BBS7: variants seen among roughly 807,000 people sequenced by gnomAD.
BBS7 encodes BBSome complex member BBS7.
BBS7 carries 50 observed loss-of-function variants against 90.3 expected under a neutral mutation model. The observed-to-expected ratio is 0.55, with a 90% confidence interval of 0.44 to 0.70. BBS7 has a LOEUF of 0.70. Ranked by LOEUF, BBS7 falls within the 30% of genes least tolerant of loss-of-function variation. The pLI is 0.00. For synonymous variants in BBS7, 235 were observed against 287.4 expected (o/e 0.82, Z 1.85); for missense variants, 729 against 838.9 (o/e 0.87, Z 1.62).
chr4:121,845,520 T>A lies in BBS7; in HGVS notation c.1214A>T (p.Asp405Val). Residue 405 changes from aspartate (D) to valine (V), a missense_variant, in exon 11 of 19, where the codon GAT becomes GTT. Transcript: ENST00000264499. ...SLILEVQTAI[D>V]NVLIQSDVPI... is the part of the protein sequence containing the mutation. Reference sequence around the variant, plus strand: ...TTTGCTTACCTGTATTAAGACATTATCTATTGCAGTCTGTACCTCTAAGAT... The same window carrying A: ...TTTGCTTACCTGTATTAAGACATTAACTATTGCAGTCTGTACCTCTAAGAT... 6.2e-7 allele frequency: 1 copy of A among 1,611,838 alleles called. No individual in the cohort carries two copies. The highest frequency in any genetic ancestry group is 8.5e-7 in the Non-Finnish European group (1 of 1,179,034).
At chr4:121,870,248 C>T (rs925516727) in intron 1 of BBS7, 30 bp downstream of exon 1, 3 of 1,613,360 alleles carry the variant, frequency 1.9e-6, no homozygotes, top group African/African-American at 2.7e-5. Flanking sequence ...GCTTGCCCAG[C>T]GCGGCGCCCG....
intron 10 of BBS7, among the ~76,000 whole-genome samples, chr4:121,845,942 T>C (rs1163614644): frequency 6.6e-6 from 1 of 152,162 alleles, no homozygotes; most frequent in Non-Finnish European, 1.5e-5. Context: ...AATAGAGAGT[T>C]TTAAATATCA....
intron 7 of BBS7, 48 bp downstream of exon 7, chr4:121,854,656 C>T (rs781185072): frequency 2.5e-6 from 4 of 1,568,742 alleles, no homozygotes; most frequent in Non-Finnish European, 2.6e-6. Context: ...ATTTAAGATA[C>T]TTAATAATCA....
At chr4:121,864,015 G>T (rs1240119181) in intron 2 of BBS7, among the ~76,000 whole-genome samples, 1 of 152,146 alleles carries the variant, frequency 6.6e-6, no homozygotes, top group Non-Finnish European at 1.5e-5. Flanking sequence ...TCCGCCTCCC[G>T]TCAGATCAGC....
chr4:121,841,692 A>G (rs1012346821), intron 12 of BBS7, among the ~76,000 whole-genome samples: 3 of 152,156 alleles, frequency 2.0e-5, no homozygotes, highest in Non-Finnish European at 2.9e-5. Context: ...CCATTGTCCT[A>G]GAAAATATAT....
chr4:121,855,745 AAAC>A lies in BBS7; in HGVS notation c.529-187_529-185del, dbSNP rs529360462. Among the ~76,000 whole-genome samples, 515 of 152,052 alleles carry A rather than the reference AAAC, an allele frequency of 3.4e-3. 1 individual carries two copies. The highest frequency in any genetic ancestry group is 0.012 in the African/African-American group (481 of 41,436). ...ATTTTGCATATATCAACTGATTTGA[AAAC>A]AACATATATACACATATATACGTAT... On this transcript the variant is annotated intron_variant, in intron 5 of 18. Transcript: ENST00000264499.
At chr4:121,866,455 G>A (rs1186150911) in intron 2 of BBS7, among the ~76,000 whole-genome samples, 2 of 151,316 alleles carry the variant, frequency 1.3e-5, no homozygotes, top group African/African-American at 4.9e-5. Context: ...AGTAGAGATA[G>A]GGTTTCACCA....
At chr4:121,828,316 C>G (rs755246149) in intron 17 of BBS7, 47 bp from the exon 18 acceptor site, 2 of 1,594,064 alleles carry the variant, frequency 1.3e-6, no homozygotes, top group Non-Finnish European at 1.7e-6. Flanking sequence ...AAAATTCAAT[C>G]CAATGTAATG....
chr4:121,826,204 C>G (rs1724898854), intron 18 of BBS7, among the ~76,000 whole-genome samples: 1 of 152,140 alleles, frequency 6.6e-6, no homozygotes. Flanking sequence ...CCTAATAACC[C>G]TCTTAACAAT....
At chr4:121,830,193 G>A (rs1725113077) in intron 15 of BBS7, among the ~76,000 whole-genome samples, 1 of 152,196 alleles carries the variant, frequency 6.6e-6, no homozygotes, top group Non-Finnish European at 1.5e-5. Context: ...CTTGAGGTCA[G>A]GAGTTCGAGA....
chr4:121,843,430 A>C (rs1725843600), intron 12 of BBS7, among the ~76,000 whole-genome samples: 1 of 152,168 alleles, frequency 6.6e-6, no homozygotes, highest in South Asian at 2.1e-4. Context: ...AATGAAGCCA[A>C]GTGGAAGTAT....
At chr4:121,858,391 C>T (rs1169094110) in intron 5 of BBS7, among the ~76,000 whole-genome samples, 1 of 145,536 alleles carries the variant, frequency 6.9e-6, no homozygotes. Flanking sequence ...TGTGTGTGTG[C>T]ATATATTTTA....
At position 121,855,560 on chromosome 4, in the gene BBS7, C is replaced by T. The variant is rs1726566378; in HGVS notation, c.530G>A (p.Gly177Glu). The T allele has an allele frequency of 6.2e-7, 1 of 1,612,808 alleles. No homozygotes were observed. Among genetic ancestry groups the T allele is most frequent in the Non-Finnish European group, 8.5e-7 (1 of 1,179,148 alleles). Residue 177 changes from glycine to glutamate, a missense_variant and splice_region_variant, in exon 6 of 19, where the codon GGA becomes GAA. By Grantham distance (98) the Gly-to-Glu change is moderately conservative. Transcript: ENST00000264499. ...CQDRVLRVLQGSDVMYAVEVP... is the reference protein window; with the variant it reads ...CQDRVLRVLQESDVMYAVEVP... ...TTCAACTGCATACATCACATCAGATCCCTGAAGGAGAAGTATTTAAAAACT... is the reference window on the plus strand; with the variant it reads ...TTCAACTGCATACATCACATCAGATTCCTGAAGGAGAAGTATTTAAAAACT...
intron 18 of BBS7, among the ~76,000 whole-genome samples, chr4:121,827,504 G>C (rs989959042): frequency 1.3e-5 from 2 of 152,154 alleles, no homozygotes; most frequent in African/African-American, 4.8e-5. Context: ...GCTATTGTAA[G>C]GATTAAATAT....
chr4:121,851,597 G>A (rs955389446), intron 8 of BBS7, among the ~76,000 whole-genome samples: 4 of 152,038 alleles, frequency 2.6e-5, no homozygotes, highest in Non-Finnish European at 5.9e-5. Context: ...AAAGAACTTG[G>A]TCCTTCCTCA....
intron 10 of BBS7, 102 bp downstream of exon 10, chr4:121,847,302 T>G: frequency 1.3e-6 from 1 of 769,492 alleles, no homozygotes; most frequent in South Asian, 1.6e-5. Flanking sequence ...ATTAATTACA[T>G]AATTCCTTCC....
intron 8 of BBS7, among the ~76,000 whole-genome samples, chr4:121,851,806 C>A (rs559440334): frequency 6.6e-6 from 1 of 152,230 alleles, no homozygotes; most frequent in Non-Finnish European, 1.5e-5. Context: ...CAAGATGAGG[C>A]AGAGTATTCC....
rs115829691 is a variant in BBS7 at position 121,846,551 on chromosome 4, T to C, written c.1037+853A>G. On this transcript the variant is annotated intron_variant, in intron 10 of 18. Coordinates refer to ENST00000264499, the MANE Select transcript of BBS7 (RefSeq NM_176824.3). ...CTTACATTCCAGTGGAATCAAGAAATGGTAGACTTGGTTATAAAAAAAAGG... is the reference window on the plus strand; with the variant it reads ...CTTACATTCCAGTGGAATCAAGAAACGGTAGACTTGGTTATAAAAAAAAGG... Among the ~76,000 whole-genome samples, 316 of 152,152 alleles carry C rather than the reference T, an allele frequency of 2.1e-3. 3 individuals are homozygous for C. Among genetic ancestry groups the C allele is most frequent in the African/African-American group, 7.2e-3 (301 of 41,528 alleles).
rs1025653695 is a variant in BBS7 at position 121,828,474 on chromosome 4, T to C, written c.1818A>G (p.Leu606=). The change falls in exon 17 of 19, where the codon TTA becomes TTG. Residue 606 remains leucine (L), a synonymous_variant. Coordinates refer to ENST00000264499, the MANE Select transcript of BBS7 (RefSeq NM_176824.3). ...ACTCCAGCTTTGGGTGGATTAGCTT[T>C]AAAGTGTGTTTGACTGATACTTCAT... ...EINEVSVKHT[L]KLIHPKLEYQ... The C allele has an allele frequency of 1.2e-6, 2 of 1,613,828 alleles. No individual in the cohort carries two copies. Among genetic ancestry groups the C allele is most frequent in the Non-Finnish European group, 1.7e-6 (2 of 1,179,904 alleles).
Sources: allele counts gnomAD v4.1 joint callset (sites outside exome capture counted in the v4.1 genomes callset), GRCh38; gene constraint gnomAD v4.1.1; transcripts MANE v1.5; gene names NCBI Gene and HGNC (gene_info 2026-07-23, HGNC 2026-07-21).